Variants in DIAPH3 observed in about 807,000 individuals in gnomAD.
The protein encoded by DIAPH3 is diaphanous related formin 3.
A neutral mutation model predicts 144.3 loss-of-function variants in DIAPH3; 117 were observed. The ratio of observed to expected loss-of-function variants is 0.81; its 90% CI spans 0.70 to 0.95. The LOEUF is 0.95. Among genes scored for constraint, DIAPH3 ranks in the 40% least tolerant of loss-of-function variants. The pLI is 0.00. For synonymous variants in DIAPH3, 519 were observed against 488.9 expected, an observed-to-expected ratio of 1.06 and a Z score of -0.81; for missense variants, 1,421 against 1,412.7, an observed-to-expected ratio of 1.01 and a Z score of -0.09.
At chr13:59,971,198 T>C in intron 15 of DIAPH3, 38 bp from the exon 16 acceptor site, 3 of 1,538,902 alleles carry the variant, frequency 1.9e-6, no homozygotes, top group Non-Finnish European at 2.6e-6. Flanking sequence ...ACTAAGAACA[T>C]ATCTACAAAA....
At chr13:59,675,768 C>G (rs758197591) in intron 27 of DIAPH3, among the ~76,000 whole-genome samples, 2 of 152,208 alleles carry the variant, frequency 1.3e-5, no homozygotes, top group Non-Finnish European at 2.9e-5. Flanking sequence ...TTGCCTCTGG[C>G]AAATTCAGTC....
In DIAPH3 at chr13:60,136,443, T is replaced by C. The variant is rs116618580; in HGVS notation, c.181-3454A>G. 4.9e-3 allele frequency among the ~76,000 whole-genome samples: 676 copies of C among 138,534 alleles called. 1 individual carries two copies. The highest frequency in any genetic ancestry group is 0.017 in the African/African-American group (616 of 37,090). The allele number at this position is 138,534 out of a possible 152,430, so 90.9% of individuals were successfully genotyped here. The stretch of plus-strand genomic sequence containing the variant: ...GGAAACACCTTTAAAAATAATAACC[T>C]GATAGCAAATTTTTAGGGTTATATT... On this transcript the variant is annotated intron_variant, in intron 1 of 27. Transcript: ENST00000400324.
At chr13:59,751,135 G>A (rs2036986579) in intron 27 of DIAPH3, among the ~76,000 whole-genome samples, 1 of 152,234 alleles carries the variant, frequency 6.6e-6, no homozygotes, top group South Asian at 2.1e-4. Flanking sequence ...ACAACAAATG[G>A]CTACAATTAG....
intron 20 of DIAPH3, among the ~76,000 whole-genome samples, chr13:59,900,118 T>A (rs1487378083): frequency 2.6e-5 from 4 of 152,208 alleles, no homozygotes; most frequent in African/African-American, 9.7e-5. Flanking sequence ...TTTTTCCCTG[T>A]AATGGCAGGA....
At chr13:60,154,122 C>T (rs976158976) in intron 1 of DIAPH3, among the ~76,000 whole-genome samples, 2 of 152,076 alleles carry the variant, frequency 1.3e-5, no homozygotes, top group Non-Finnish European at 2.9e-5. Context: ...ATTAAGTTTT[C>T]CAAGATTAGA....
At chr13:60,085,875 C>A (rs535716939) in intron 4 of DIAPH3, among the ~76,000 whole-genome samples, 2 of 151,926 alleles carry the variant, frequency 1.3e-5, no homozygotes, top group Non-Finnish European at 1.5e-5. Flanking sequence ...AAAGTAAGTA[C>A]GAGCATAGCA....
Position 60,119,921 on chromosome 13 carries a change from A to G in DIAPH3, c.214-7735T>C, listed in dbSNP as rs866057148. Among the ~76,000 whole-genome samples, 4 of 152,294 alleles carry G rather than the reference A, an allele frequency of 2.6e-5. 1 individual carries two copies. Among genetic ancestry groups the G allele is most frequent in the Middle Eastern group, 3.4e-3 (1 of 294 alleles). ...CAGTCAAGTAATACTTGTTGAAGGT[A>G]TGAATGAATGAGCAATTACTAGATG... On this transcript the variant is annotated intron_variant, in intron 2 of 27. Coordinates refer to ENST00000400324, the MANE Select transcript of DIAPH3 (RefSeq NM_001042517.2).
chr13:59,797,464 C>A (rs925565057), intron 25 of DIAPH3, among the ~76,000 whole-genome samples: 3 of 152,124 alleles, frequency 2.0e-5, no homozygotes, highest in Non-Finnish European at 1.5e-5. Flanking sequence ...TTTATAATTT[C>A]TTTTGTCAGA....
chr13:60,138,996 G>T (rs2059367120), intron 1 of DIAPH3, among the ~76,000 whole-genome samples: 1 of 152,060 alleles, frequency 6.6e-6, no homozygotes, highest in Non-Finnish European at 1.5e-5. Context: ...ACTTCAATCT[G>T]ATAACATTTC....
chr13:59,811,761 A>G (rs1220459379), intron 24 of DIAPH3, among the ~76,000 whole-genome samples: 1 of 151,078 alleles, frequency 6.6e-6, no homozygotes, highest in Non-Finnish European at 1.5e-5. Context: ...AAAAAAAGAA[A>G]TGTTTGTCAT....
intron 27 of DIAPH3, among the ~76,000 whole-genome samples, chr13:59,675,416 G>A (rs1489909315): frequency 2.0e-5 from 3 of 148,014 alleles, no homozygotes; most frequent in African/African-American, 7.5e-5. Context: ...ACGGAGTCTC[G>A]CTCTGTCGCC....
intron 20 of DIAPH3, among the ~76,000 whole-genome samples, chr13:59,890,375 TTTAAGTTTCTGTTCTCTCAAGAAC>T (rs2045712364): frequency 6.6e-6 from 1 of 152,080 alleles, no homozygotes. Context: ...TCATGAAACT[TTTAAGTTTCTGTTCTCTCAAGAAC>T]TGCAGCTTTT....
chr13:59,745,831 A>G (rs2036674830), intron 27 of DIAPH3, among the ~76,000 whole-genome samples: 1 of 152,224 alleles, frequency 6.6e-6, no homozygotes, highest in African/African-American at 2.4e-5. Context: ...AAACAAAGAA[A>G]TATTCTAATA....
At chr13:60,092,568 G>A (rs2057980115) in intron 4 of DIAPH3, among the ~76,000 whole-genome samples, 1 of 152,134 alleles carries the variant, frequency 6.6e-6, no homozygotes, top group African/African-American at 2.4e-5. Context: ...GGAGAATGGC[G>A]TGAACCCGGG....
At position 60,058,186 on chromosome 13, in the gene DIAPH3, C is replaced by CA. The variant is rs879771778; in HGVS notation, c.496-15367dup. Among the ~76,000 whole-genome samples the CA allele has an allele frequency of 4.6e-3, 630 of 137,776 alleles. 7 individuals carry two copies. The highest frequency in any genetic ancestry group is 4.7e-3 in the Non-Finnish European group (298 of 62,880). 90.4% of individuals were successfully genotyped at this position (137,776 alleles called of 152,430 possible). A position where few individuals can be genotyped will look rare whatever the true frequency, so the allele number is the denominator to read the frequency against. On this transcript the variant is annotated intron_variant, in intron 4 of 27. Transcript: ENST00000400324. ...AGAATCTAAAAGTAACTCAAATCAG[C>CA]AAAAAAAAAAACCAGATAATTCCTT...
intron 1 of DIAPH3, among the ~76,000 whole-genome samples, chr13:60,156,069 C>T (rs983431505): frequency 6.6e-5 from 10 of 152,196 alleles, no homozygotes; most frequent in Non-Finnish European, 1.5e-4. Flanking sequence ...CCTGAAGTCC[C>T]AAATCAGTTT....
intron 27 of DIAPH3, among the ~76,000 whole-genome samples, chr13:59,702,780 C>T (rs2034182478): frequency 6.6e-6 from 1 of 152,182 alleles, no homozygotes; most frequent in Non-Finnish European, 1.5e-5. Context: ...TGTTGCTTCT[C>T]TGACCTAATC....
chr13:59,666,842 A>G lies in DIAPH3; in HGVS notation c.3324T>C (p.Asn1108=). 6.2e-7 allele frequency: 1 copy of G among 1,614,014 alleles called. No homozygotes were observed. The highest frequency in any genetic ancestry group is 8.5e-7 in the Non-Finnish European group (1 of 1,179,958). ...RPVLKVCNHE[N]QKVQLTEGSR... is the part of the protein sequence containing the mutation. ...ACCCTTCTGTCAACTGCACTTTCTG[A>G]TTTTCTACAGTAAGGAAAAAAGAAA... Residue 1108 remains asparagine, a synonymous_variant, in exon 28 of 28, where the codon AAT becomes AAC. Coordinates refer to ENST00000400324, the MANE Select transcript of DIAPH3 (RefSeq NM_001042517.2).
chr13:60,023,713 C>G (rs1482381451), intron 5 of DIAPH3, among the ~76,000 whole-genome samples: 1 of 151,924 alleles, frequency 6.6e-6, no homozygotes, highest in African/African-American at 2.4e-5. Flanking sequence ...GGATTACAGG[C>G]GTGAGCCACC....
Sources: allele counts gnomAD v4.1 joint callset (sites outside exome capture counted in the v4.1 genomes callset), GRCh38; gene constraint gnomAD v4.1.1; transcripts MANE v1.5; gene names NCBI Gene and HGNC (gene_info 2026-07-23, HGNC 2026-07-21).